The following MISP variants were observed in gnomAD, a reference collection of about 807,000 sequenced individuals.
The protein encoded by MISP is mitotic interactor and substrate of PLK1.
MISP carries 51 observed loss-of-function variants against 49.3 expected under a neutral mutation model. The ratio of observed to expected loss-of-function variants is 1.03; its 90% CI spans 0.83 to 1.31. MISP has a LOEUF of 1.31. Ranked by LOEUF, MISP falls within the 50% of genes most tolerant of loss-of-function variation. The pLI is 0.00. For missense variants in MISP, 1,084 were observed against 935.1 expected (o/e 1.16, Z -2.08); for synonymous variants, 444 against 392.6 (o/e 1.13, Z -1.55).
At chr19:748,778 ACT>A (rs1263930056), upstream of MISP, among the ~76,000 whole-genome samples, 1 of 151,996 alleles carries the variant, frequency 6.6e-6, no homozygotes, top group Non-Finnish European at 1.5e-5. Context: ...CGCCAGCCCC[ACT>A]CTCTCACGCT....
At chr19:753,108 C>A (rs1318915190) in intron 1 of MISP, among the ~76,000 whole-genome samples, 1 of 152,204 alleles carries the variant, frequency 6.6e-6, no homozygotes, top group Non-Finnish European at 1.5e-5. Flanking sequence ...GTGAGCTGGG[C>A]AGGCGGCGTC....
At chr19:761,431 A>G (rs2033670486) in intron 3 of MISP, among the ~76,000 whole-genome samples, 194 bp from the exon 4 acceptor site, 1 of 152,092 alleles carries the variant, frequency 6.6e-6, no homozygotes, top group Non-Finnish European at 1.5e-5. Flanking sequence ...ACTGAGGGGA[A>G]CAGCATGAGG....
chr19:763,793 C>T lies in MISP; in HGVS notation c.*203C>T, dbSNP rs1478905821. ...TTTCTATCTTCCTTTAGAAATGTTTCTGCCTTTGGGGTCTAAAGCTTTTGG... is the reference window on the plus strand; with the variant it reads ...TTTCTATCTTCCTTTAGAAATGTTTTTGCCTTTGGGGTCTAAAGCTTTTGG... On this transcript the variant is annotated 3_prime_UTR_variant, in exon 5 of 5. Coordinates refer to ENST00000215582, the MANE Select transcript of MISP (RefSeq NM_173481.4). The T allele has an allele frequency of 8.8e-6, 5 of 568,684 alleles. No homozygotes were observed. Among genetic ancestry groups the T allele is most frequent in the African/African-American group, 1.9e-5 (1 of 53,312 alleles). 35.2% of individuals were successfully genotyped at this position (568,684 alleles called of 1,614,324 possible). A position where few individuals can be genotyped will look rare whatever the true frequency, so the allele number is the denominator to read the frequency against.
chr19:756,382 GA>G (rs2033549488), intron 1 of MISP, among the ~76,000 whole-genome samples: 2 of 152,170 alleles, frequency 1.3e-5, no homozygotes, highest in South Asian at 4.1e-4. Flanking sequence ...ACCCATCTTT[GA>G]ACCAATCACA....
chr19:752,641 A>G (rs2144950912), intron 1 of MISP, among the ~76,000 whole-genome samples: 1 of 152,120 alleles, frequency 6.6e-6, no homozygotes, highest in African/African-American at 2.4e-5. Flanking sequence ...TCAGTGAATC[A>G]CTGGGGAGGA....
intron 4 of MISP, among the ~76,000 whole-genome samples, chr19:762,111 CTA>C (rs1318576696): frequency 1.1e-4 from 12 of 109,416 alleles, no homozygotes; most frequent in African/African-American, 4.4e-4. Context: ...CCACGCCCGG[CTA>C]TTTTTTTTTT....
In MISP at chr19:757,972, GGA is replaced by G. The variant is rs774085278; in HGVS notation, c.1032_1033del (p.Gly345AlafsTer17). ...TGAGCCTGATCACAGCCCCACGGCG[GGA>G]GAGAGGGCGCCCGTCCCTCTACGTG... Reference protein sequence around the residue: ...KLSLITAPRRERGRPSLYVQR... With the variant: ...KLSLITAPRRXRGRPSLYVQR... On this transcript the variant is annotated frameshift_variant, in exon 2 of 5. Transcript: ENST00000215582. LOFTEE classifies it high-confidence loss of function. The G allele has an allele frequency of 6.3e-7, 1 of 1,584,908 alleles. No individual in the cohort carries two copies. The highest frequency in any genetic ancestry group is 8.5e-7 in the Non-Finnish European group (1 of 1,170,294).
chr19:751,539 AG>A (rs1383664811), intron 1 of MISP, among the ~76,000 whole-genome samples: 11 of 152,148 alleles, frequency 7.2e-5, no homozygotes, highest in South Asian at 6.2e-4. Context: ...GGAATTCCAG[AG>A]GCTTCTGGAG....
chr19:749,571 C>T (rs1172149364), upstream of MISP, among the ~76,000 whole-genome samples: 1 of 152,228 alleles, frequency 6.6e-6, no homozygotes, highest in Non-Finnish European at 1.5e-5. Flanking sequence ...TGGCTCGCGC[C>T]TGTAATCCCA....
chr19:754,487 T>G, intron 1 of MISP, among the ~76,000 whole-genome samples: 1 of 149,218 alleles, frequency 6.7e-6, no homozygotes, highest in South Asian at 2.1e-4. Flanking sequence ...ATTAGCCGGG[T>G]GTGGGGGCGG....
In MISP at chr19:758,354, C is replaced by G. The variant is rs371626891; in HGVS notation, c.1408C>G (p.Leu470Val). 2 of 1,614,164 alleles carry G rather than the reference C, an allele frequency of 1.2e-6. No individual in the cohort carries two copies. The highest frequency in any genetic ancestry group is 1.7e-5 in the Admixed American group (1 of 60,032). ...SPKATMSPRH[L>V]SESSGKPLST... ...AAAGGCCACGATGTCCCCGAGGCAT[C>G]TCTCAGAATCCTCTGGAAAACCCCT... The change falls in exon 2 of 5, where the codon CTC becomes GTC. Residue 470 changes from leucine to valine, a missense_variant. By Grantham distance (32) the Leu-to-Val change is conservative. Transcript: ENST00000215582.
At chr19:749,705 C>G (rs1317631412), upstream of MISP, among the ~76,000 whole-genome samples, 1 of 152,122 alleles carries the variant, frequency 6.6e-6, no homozygotes, top group Non-Finnish European at 1.5e-5. Flanking sequence ...TGGCTCATGC[C>G]AGTAATCCCA....
chr19:760,843 G>A (rs978529215), intron 3 of MISP, among the ~76,000 whole-genome samples: 1 of 151,974 alleles, frequency 6.6e-6, no homozygotes, highest in Non-Finnish European at 1.5e-5. Flanking sequence ...TTAGCACCCT[G>A]GTGGTCTCAC....
At chr19:751,249 C>G (rs1599178184) in intron 1 of MISP, 78 bp downstream of exon 1, 1 of 152,178 alleles carries the variant, frequency 6.6e-6, no homozygotes, top group East Asian at 2.0e-4. Context: ...GGCGTGGGAG[C>G]GTCATGTGTC....
rs375896627 is a variant in MISP, at chr19:757,003, C to G, written c.57C>G (p.Thr19=). 6.2e-7 allele frequency: 1 copy of G among 1,601,336 alleles called. No homozygotes were observed. The highest frequency in any genetic ancestry group is 8.5e-7 in the Non-Finnish European group (1 of 1,173,222). ...ILGIPQAHRG[T]GLVLDGDTSY... ...GCATCCCTCAGGCACACCGTGGCACCGGCCTGGTGCTGGATGGAGACACCA... is the reference window on the plus strand; with the variant it reads ...GCATCCCTCAGGCACACCGTGGCACGGGCCTGGTGCTGGATGGAGACACCA... Residue 19 remains threonine, a synonymous_variant, in exon 2 of 5, where the codon ACC becomes ACG. Coordinates refer to ENST00000215582, the MANE Select transcript of MISP (RefSeq NM_173481.4).
chr19:762,143 G>A (rs1177179434), intron 4 of MISP, among the ~76,000 whole-genome samples: 7 of 149,980 alleles, frequency 4.7e-5, no homozygotes, highest in East Asian at 3.9e-4. Flanking sequence ...TAGTAGAGAC[G>A]GGGTTTCACC....
chr19:763,516 C>T lies in MISP; in HGVS notation c.1966C>T (p.Arg656Trp), dbSNP rs774760745. 1.3e-5 allele frequency: 21 copies of T among 1,613,710 alleles called. No homozygotes were observed. The highest frequency in any genetic ancestry group is 9.3e-5 in the African/African-American group (7 of 74,890). Residue 656 changes from arginine (R) to tryptophan (W), a missense_variant, in exon 5 of 5, where the codon CGG becomes TGG. Arg to Trp is a moderately radical substitution (Grantham distance 101, BLOSUM62 -3). Transcript: ENST00000215582. The part of the protein sequence containing the change: ...GINSEVLEAI[R>W]VTRHKNAMAE... ...CTTTTTGCAGGTCCTGGAAGCCATA[C>T]GGGTGACCCGTCACAAGAACGCCAT...
At chr19:751,680 G>A (rs1222942498) in intron 1 of MISP, among the ~76,000 whole-genome samples, 1 of 152,164 alleles carries the variant, frequency 6.6e-6, no homozygotes, top group South Asian at 2.1e-4. Flanking sequence ...GTCTCAGGCC[G>A]GGGCTGGGGA....
Position 760,041 on chromosome 19 carries a change from T to A in MISP, c.1911+2T>A, listed in dbSNP as rs144706404. The A allele has an allele frequency of 4.8e-5, 77 of 1,613,446 alleles. 1 individual carries two copies. Among genetic ancestry groups the A allele is most frequent in the Non-Finnish European group, 6.2e-5 (73 of 1,179,714 alleles). ...GGGCAGAGAAAGAAGGAGCAATGGG[T>A]GAGTCTGGAACCCGTCTCTGCAGAG... On this transcript the variant is annotated splice_donor_variant, in intron 3 of 4. Transcript: ENST00000215582. LOFTEE classifies it high-confidence loss of function.
Sources: allele counts gnomAD v4.1 joint callset (sites outside exome capture counted in the v4.1 genomes callset), GRCh38; gene constraint gnomAD v4.1.1; transcripts MANE v1.5; gene names NCBI Gene and HGNC (gene_info 2026-07-23, HGNC 2026-07-21).